The following STT3B variants were observed in gnomAD, a reference collection of about 807,000 sequenced individuals.
STT3B encodes the protein dolichyl-diphosphooligosaccharide--protein glycosyltransferase subunit STT3B.
In STT3B, 29 loss-of-function variants were observed where a neutral mutation model predicts 96.8. The ratio of observed to expected loss-of-function variants is 0.30; its 90% CI spans 0.22 to 0.41. The LOEUF (loss-of-function observed/expected upper bound fraction) is 0.41. Ranked by LOEUF, STT3B falls within the 10% of genes least tolerant of loss-of-function variation. The pLI, the probability that STT3B is intolerant of heterozygous loss-of-function variation, is 1.00. For missense variants in STT3B, 640 were observed against 1,022.3 expected (o/e 0.63, Z 5.10); for synonymous variants, 367 against 360.0 (o/e 1.02, Z -0.22).
At chr3:31,590,643 A>G (rs74617728) in intron 3 of STT3B, among the ~76,000 whole-genome samples, 6,652 of 151,896 alleles carry the variant, frequency 0.044, 379 homozygotes, top group East Asian at 0.32. Context: ...ACTTTGTATA[A>G]TTTGTCTTTT....
In STT3B at chr3:31,623,640, G is replaced by T. The variant is rs760041170; in HGVS notation, c.1540-34G>T. 1.3e-5 allele frequency: 20 copies of T among 1,508,270 alleles called. No individual in the cohort carries two copies. The East Asian group carries it at 3.9e-4, about 29-fold the overall frequency. The allele number at this position is 1,508,270 out of a possible 1,614,324, so 93.4% of individuals were successfully genotyped here. Reference sequence around the variant, plus strand: ...ATCTTAATGAAGCAAGTCAAATAATGAATTTGTCTAACCAATTTTTTTAAT... The same window carrying T: ...ATCTTAATGAAGCAAGTCAAATAATTAATTTGTCTAACCAATTTTTTTAAT... On this transcript the variant is annotated intron_variant, in intron 10 of 15. Coordinates refer to ENST00000295770, the MANE Select transcript of STT3B (RefSeq NM_178862.3).
At chr3:31,595,301 A>G (rs900113814) in intron 3 of STT3B, among the ~76,000 whole-genome samples, 2 of 152,198 alleles carry the variant, frequency 1.3e-5, no homozygotes, top group Non-Finnish European at 2.9e-5. Context: ...CGAACTGTGG[A>G]TGAAAGTCCA....
chr3:31,548,859 C>T (rs1697480071), intron 1 of STT3B, among the ~76,000 whole-genome samples: 1 of 152,126 alleles, frequency 6.6e-6, no homozygotes, highest in Non-Finnish European at 1.5e-5. Context: ...CCAGAAATTA[C>T]ACTTCTAAGC....
intron 9 of STT3B, chr3:31,620,079 A>G: frequency 2.7e-6 from 2 of 750,166 alleles, no homozygotes; most frequent in Non-Finnish European, 3.7e-6. Flanking sequence ...GTTCGAGACC[A>G]GCCTGGCCAA....
At chr3:31,620,719 A>G (rs1699408891) in intron 9 of STT3B, among the ~76,000 whole-genome samples, 1 of 152,240 alleles carries the variant, frequency 6.6e-6, no homozygotes, top group Non-Finnish European at 1.5e-5. Flanking sequence ...GTTGTTTTGT[A>G]TGAGATAAAA....
chr3:31,533,149 C>A lies in STT3B; in HGVS notation c.151C>A (p.Pro51Thr). 7.7e-7 allele frequency: 1 copy of A among 1,293,812 alleles called. No homozygotes were observed. The highest frequency in any genetic ancestry group is 9.8e-7 in the Non-Finnish European group (1 of 1,021,012). The allele number at this position is 1,293,812 out of a possible 1,614,324, so 80.1% of individuals were successfully genotyped here. The change falls in exon 1 of 16, where the codon CCG becomes ACG. Residue 51 changes from proline to threonine, a missense_variant. Pro to Thr is a conservative substitution (Grantham distance 38, BLOSUM62 -1). Transcript: ENST00000295770. ...CAAGGCGGCGGGCGGCGCGGCGCCG[C>A]CGAAGCCGGCCCCGGCGGGGCTGTC... ...AHKAAGGAAP[P>T]KPAPAGLSGG...
At chr3:31,555,323 G>A (rs772779611) in intron 1 of STT3B, among the ~76,000 whole-genome samples, 2 of 151,996 alleles carry the variant, frequency 1.3e-5, no homozygotes, top group Non-Finnish European at 2.9e-5. Flanking sequence ...AAAAACCTAT[G>A]AAAAGATAAA....
intron 1 of STT3B, among the ~76,000 whole-genome samples, chr3:31,564,333 C>T (rs757063900): frequency 3.9e-5 from 6 of 152,178 alleles, no homozygotes; most frequent in Non-Finnish European, 8.8e-5. Flanking sequence ...ATATACCAGG[C>T]ACCGTCCTTG....
intron 3 of STT3B, among the ~76,000 whole-genome samples, chr3:31,583,889 G>A (rs972084714): frequency 4.6e-5 from 7 of 151,990 alleles, no homozygotes; most frequent in Non-Finnish European, 8.8e-5. Context: ...TTTTCACTCT[G>A]GATAGTGTCC....
At position 31,625,077 on chromosome 3, in the gene STT3B, A is replaced by G; in HGVS notation, c.1891A>G (p.Ile631Val). ...VDNNTWNNSH[I>V]ALVGKAMSSN... is the part of the protein sequence containing the mutation. ...TAATAACACCTGGAATAACAGCCAC[A>G]TAGCACTGGTAAGGATTTACTAAAT... Residue 631 changes from isoleucine to valine, a missense_variant, in exon 12 of 16, where the codon ATA becomes GTA. This residue lies in a region of STT3B where 149 missense variants were observed against 250.2 expected (regional missense o/e 0.60). Transcript: ENST00000295770. 1.2e-6 allele frequency: 2 copies of G among 1,613,152 alleles called. No homozygotes were observed. The highest frequency in any genetic ancestry group is 1.1e-5 in the South Asian group (1 of 90,978).
intron 1 of STT3B, among the ~76,000 whole-genome samples, chr3:31,563,137 ACT>A (rs1283625201): frequency 1.3e-5 from 2 of 151,464 alleles, no homozygotes; most frequent in Non-Finnish European, 1.5e-5. Context: ...TCCCATCACT[ACT>A]CTCTTGAATT....
chr3:31,550,754 G>A (rs745653447), intron 1 of STT3B, among the ~76,000 whole-genome samples: 11 of 152,054 alleles, frequency 7.2e-5, no homozygotes, highest in Non-Finnish European at 1.5e-4. Context: ...GTATCACTTG[G>A]TGAGATTGAA....
At chr3:31,569,286 C>T (rs1006624912) in intron 1 of STT3B, among the ~76,000 whole-genome samples, 4 of 152,178 alleles carry the variant, frequency 2.6e-5, no homozygotes, top group African/African-American at 7.2e-5. Flanking sequence ...GCCACTACAT[C>T]AGCCATATGC....
At chr3:31,591,708 C>A (rs1052161722) in intron 3 of STT3B, among the ~76,000 whole-genome samples, 2 of 151,938 alleles carry the variant, frequency 1.3e-5, no homozygotes, top group African/African-American at 4.8e-5. Context: ...ATGTTATCTA[C>A]CTAACAATAC....
intron 1 of STT3B, among the ~76,000 whole-genome samples, chr3:31,538,712 A>G (rs999702776): frequency 6.6e-6 from 1 of 152,142 alleles, no homozygotes; most frequent in African/African-American, 2.4e-5. Flanking sequence ...GGACCCACTG[A>G]TATACTATAT....
intron 3 of STT3B, among the ~76,000 whole-genome samples, chr3:31,589,020 G>T (rs1481518945): frequency 6.6e-6 from 1 of 151,994 alleles, no homozygotes; most frequent in Middle Eastern, 3.2e-3. Context: ...AAAGTCACTT[G>T]CTGAGATAAG....
At chr3:31,569,121 T>C (rs1014710023) in intron 1 of STT3B, among the ~76,000 whole-genome samples, 2 of 152,162 alleles carry the variant, frequency 1.3e-5, no homozygotes, top group African/African-American at 2.4e-5. Flanking sequence ...GTGATCCGCC[T>C]GCCTTAGCCT....
intron 1 of STT3B, among the ~76,000 whole-genome samples, chr3:31,564,099 GTT>G (rs1229582883): frequency 2.0e-5 from 3 of 152,010 alleles, no homozygotes; most frequent in African/African-American, 7.3e-5. Flanking sequence ...AATTAAACCA[GTT>G]ACACTATTTT....
intron 15 of STT3B, among the ~76,000 whole-genome samples, chr3:31,635,552 C>T (rs144345777): frequency 2.0e-5 from 3 of 152,260 alleles, no homozygotes; most frequent in African/African-American, 7.2e-5. Context: ...CCTCATTTTA[C>T]AGAAAACAGG....
Sources: gnomAD v4.1 joint callset for allele counts (sites outside exome capture counted in the v4.1 genomes callset) on GRCh38, gnomAD v4.1.1 for gene constraint, gnomAD v4.1.1 regional missense constraint, MANE v1.5 for transcripts, NCBI Gene and HGNC (gene_info 2026-07-23, HGNC 2026-07-21) for gene names.